The following ATP2B4 variants were observed in gnomAD, a reference collection of about 807,000 sequenced individuals.
ATP2B4 encodes ATPase plasma membrane Ca2+ transporting 4, also known as plasma membrane calcium-transporting ATPase 4.
Under a neutral mutation model 110.3 loss-of-function variants are expected in ATP2B4, and 39 were observed. The observed-to-expected ratio is 0.35, with a 90% CI of 0.27 to 0.46. The LOEUF is 0.46. Ranked by LOEUF, ATP2B4 falls within the 20% of genes least tolerant of loss-of-function variation. The pLI is 1.00. For synonymous variants in ATP2B4, 538 were observed against 571.7 expected (o/e 0.94, Z 0.84); for missense variants, 1,135 against 1,530.9 (o/e 0.74, Z 4.32).
chr1:203,679,407 C>T (rs1473120367), intron 1 of ATP2B4, among the ~76,000 whole-genome samples: 1 of 152,212 alleles, frequency 6.6e-6, no homozygotes, highest in Non-Finnish European at 1.5e-5. Flanking sequence ...TTTGTGCCAG[C>T]AGCTTAGCGC....
chr1:203,706,295 C>A (rs1298060730), intron 8 of ATP2B4, among the ~76,000 whole-genome samples: 1 of 152,136 alleles, frequency 6.6e-6, no homozygotes, highest in African/African-American at 2.4e-5. Context: ...GTTACTCTAC[C>A]AATGGGCCAT....
chr1:203,685,468 T>C (rs1240831480), intron 2 of ATP2B4, among the ~76,000 whole-genome samples: 3 of 152,206 alleles, frequency 2.0e-5, no homozygotes, highest in African/African-American at 7.2e-5. Context: ...ACAGCATATT[T>C]CTCACCAATT....
At chr1:203,648,688 G>T (rs1307547445) in intron 1 of ATP2B4, among the ~76,000 whole-genome samples, 1 of 152,192 alleles carries the variant, frequency 6.6e-6, no homozygotes, top group East Asian at 1.9e-4. Context: ...CCATGACTCT[G>T]GGGAAGGCTT....
At chr1:203,719,346 C>T (rs1387806985) in intron 15 of ATP2B4, among the ~76,000 whole-genome samples, 1 of 151,890 alleles carries the variant, frequency 6.6e-6, no homozygotes, top group Non-Finnish European at 1.5e-5. Context: ...CTTGCTGCTT[C>T]CCTCTTAATT....
intron 7 of ATP2B4, among the ~76,000 whole-genome samples, chr1:203,703,431 C>G (rs1022645141): frequency 6.6e-6 from 1 of 152,128 alleles, no homozygotes; most frequent in African/African-American, 2.4e-5. Context: ...CTAAAAGCAC[C>G]CCAGTTTCAT....
chr1:203,715,595 CA>C (rs570988196), intron 15 of ATP2B4, among the ~76,000 whole-genome samples: 2,522 of 128,270 alleles, frequency 0.02, 276 homozygotes, highest in African/African-American at 0.068. Flanking sequence ...TGGTGTGGGG[CA>C]AAAAAAAAAA....
chr1:203,643,261 G>A (rs1040206405), intron 1 of ATP2B4, among the ~76,000 whole-genome samples: 8 of 152,190 alleles, frequency 5.3e-5, no homozygotes, highest in South Asian at 2.1e-4. Context: ...TTGTTTACTC[G>A]TGCCCTGCAT....
At chr1:203,708,867 A>G (rs1411510184) in intron 10 of ATP2B4, among the ~76,000 whole-genome samples, 1 of 152,078 alleles carries the variant, frequency 6.6e-6, no homozygotes, top group Admixed American at 6.6e-5. Flanking sequence ...AAAGAAAAAG[A>G]AAAAAGATGC....
At chr1:203,721,101 C>G (rs1666307532) in intron 16 of ATP2B4, 96 bp from the exon 17 acceptor site, 1 of 1,312,172 alleles carries the variant, frequency 7.6e-7, no homozygotes, top group East Asian at 2.3e-5. Flanking sequence ...GGCCAGATTC[C>G]AAGTCTAGGT....
At chr1:203,655,973 C>T (rs906032967) in intron 1 of ATP2B4, among the ~76,000 whole-genome samples, 2 of 151,880 alleles carry the variant, frequency 1.3e-5, no homozygotes, top group Admixed American at 6.6e-5. Context: ...GGTGCGATCT[C>T]GGCTCACTGC....
intron 2 of ATP2B4, among the ~76,000 whole-genome samples, chr1:203,687,503 C>A (rs1230962342): frequency 6.6e-6 from 1 of 152,044 alleles, no homozygotes; most frequent in Non-Finnish European, 1.5e-5. Context: ...TCCCAGTGGA[C>A]CAATAATAAG....
At chr1:203,630,369 C>CTT (rs869129746) in intron 1 of ATP2B4, among the ~76,000 whole-genome samples, 459 of 14,970 alleles carry the variant, frequency 0.031, 11 homozygotes, top group Middle Eastern at 0.05. Flanking sequence ...CTCTCTCTCT[C>CTT]TTTTTTTTTT....
intron 1 of ATP2B4, among the ~76,000 whole-genome samples, chr1:203,670,110 G>A (rs1664617778): frequency 6.6e-6 from 1 of 152,120 alleles, no homozygotes; most frequent in Non-Finnish European, 1.5e-5. Context: ...AAATATGTCT[G>A]CATCTCTCTT....
intron 1 of ATP2B4, chr1:203,657,122 T>TATACAACTGTGGG: frequency 1.2e-6 from 1 of 830,860 alleles, no homozygotes; most frequent in Non-Finnish European, 2.1e-6. Context: ...ACACCCACAG[T>TATACAACTGTGGG]TGTATACGGT....
chr1:203,698,312 C>G lies in ATP2B4; in HGVS notation c.349C>G (p.Leu117Val). Residue 117 changes from leucine (L) to valine (V), a missense_variant, in exon 3 of 21, where the codon CTG becomes GTG. By Grantham distance (32) the Leu-to-Val change is conservative. Around this residue, in one of 9 missense-constraint regions of ATP2B4, gnomAD observed 101 missense variants for 182.6 expected, o/e 0.55. Transcript: ENST00000357681. The stretch of plus-strand genomic sequence containing the variant: ...CCTGGAGATTGCAGCCATCATCTCC[C>G]TGGTCCTGTCCTTTTATCGCCCTGC... Reference protein sequence around the residue: ...IILEIAAIISLVLSFYRPAGE... With the variant: ...IILEIAAIISVVLSFYRPAGE... 1 of 1,614,146 alleles carries G rather than the reference C, an allele frequency of 6.2e-7. No homozygotes were observed. The highest frequency in any genetic ancestry group is 1.1e-5 in the South Asian group (1 of 91,074).
In ATP2B4 at chr1:203,739,645, G is replaced by T. The variant is rs778373203; in HGVS notation, c.3409G>T (p.Ala1137Ser). 2 of 1,614,086 alleles carry T rather than the reference G, an allele frequency of 1.2e-6. No homozygotes were observed. Among genetic ancestry groups the T allele is most frequent in the South Asian group, 2.2e-5 (2 of 91,076 alleles). ...IHSFMTHPEF[A>S]IEEELPRTPL... is the part of the protein sequence containing the mutation. The stretch of plus-strand genomic sequence containing the variant: ...CAGCTTCATGACCCACCCTGAATTC[G>T]CCATAGAGGAGGAGTTGCCACGAAC... The change falls in exon 21 of 21, where the codon GCC becomes TCC. Residue 1137 changes from alanine to serine, a missense_variant. Physicochemically the swap from Ala to Ser is moderately conservative, Grantham distance 99 (BLOSUM62 1). This residue lies in a region of ATP2B4 where 92 missense variants were observed against 82.5 expected (regional missense o/e 1.11). Coordinates refer to ENST00000357681, the MANE Select transcript of ATP2B4 (RefSeq NM_001684.5).
Position 203,683,063 on chromosome 1 carries a change from G to A in ATP2B4, c.-143G>A, listed in dbSNP as rs1428878343. ...GGCTACTCGGGAGCTTATTGCACAA[G>A]ATATATTCAATCTATTCCCTCACTG... On this transcript the variant is annotated 5_prime_UTR_variant, in exon 2 of 21. Coordinates refer to ENST00000357681, the MANE Select transcript of ATP2B4 (RefSeq NM_001684.5). The A allele has an allele frequency of 8.9e-6, 8 of 894,832 alleles. No homozygotes were observed. Among genetic ancestry groups the A allele is most frequent in the Non-Finnish European group, 1.4e-5 (8 of 588,120 alleles). 55.4% of individuals were successfully genotyped at this position (894,832 alleles called of 1,614,324 possible).
At chr1:203,728,886 T>C (rs1666605947) in intron 20 of ATP2B4, among the ~76,000 whole-genome samples, 2 of 146,666 alleles carry the variant, frequency 1.4e-5, no homozygotes, top group East Asian at 4.0e-4. Context: ...GGCGCGGTGG[T>C]TCTCACCTGT....
At chr1:203,638,755 G>A (rs570294621) in intron 1 of ATP2B4, among the ~76,000 whole-genome samples, 2 of 152,236 alleles carry the variant, frequency 1.3e-5, no homozygotes, top group African/African-American at 4.8e-5. Context: ...AACTATCCCC[G>A]TCCCTCCAAG....
Sources: allele counts gnomAD v4.1 joint callset (sites outside exome capture counted in the v4.1 genomes callset), GRCh38; gene constraint gnomAD v4.1.1; regional missense constraint gnomAD v4.1.1; transcripts MANE v1.5; gene names NCBI Gene and HGNC (gene_info 2026-07-23, HGNC 2026-07-21).